RBM20: variants seen among roughly 807,000 people sequenced by gnomAD.
RBM20 encodes RNA-binding protein 20.
A neutral mutation model predicts 110.1 loss-of-function variants in RBM20; 51 were observed. The observed-to-expected ratio is 0.46, with a 90% CI of 0.37 to 0.59. RBM20 has a LOEUF of 0.59. Ranked by LOEUF, RBM20 falls within the 20% of genes least tolerant of loss-of-function variation. RBM20 has a pLI of 0.00. For missense variants in RBM20, 1,512 were observed against 1,574.9 expected, an observed-to-expected ratio of 0.96 and a Z score of 0.68; for synonymous variants, 589 against 618.2, an observed-to-expected ratio of 0.95 and a Z score of 0.70.
intron 1 of RBM20, among the ~76,000 whole-genome samples, chr10:110,776,264 G>A (rs541000465): frequency 1.1e-3 from 160 of 152,274 alleles, no homozygotes; most frequent in African/African-American, 3.7e-3. Context: ...ACCTACCACC[G>A]CCTCTCTAGT....
rs1845123309 is a variant in RBM20, at chr10:110,835,983, T to TCTGCTTCTGCTG, written c.*8_*19dup. On this transcript the variant is annotated 3_prime_UTR_variant, in exon 14 of 14. Transcript: ENST00000369519. ...TTCGAAAGGAAAAAGCTCTGATGCT[T>TCTGCTTCTGCTG]CTGCTTCTGCTGCTACTGCTGCTGC... 9.7e-7 allele frequency: 1 copy of TCTGCTTCTGCTG among 1,031,312 alleles called. No individual in the cohort carries two copies. The highest frequency in any genetic ancestry group is 1.5e-6 in the Non-Finnish European group (1 of 687,832). The allele number at this position is 1,031,312 out of a possible 1,614,324, so 63.9% of individuals were successfully genotyped here.
intron 11 of RBM20, 31 bp downstream of exon 11, chr10:110,821,966 C>G: frequency 6.5e-7 from 1 of 1,546,182 alleles, no homozygotes; most frequent in Non-Finnish European, 8.8e-7. Flanking sequence ...CACGGGTGGT[C>G]GGGTTGATTG....
intron 13 of RBM20, among the ~76,000 whole-genome samples, chr10:110,831,678 A>C (rs1046438348): frequency 2.2e-4 from 32 of 143,836 alleles, no homozygotes; most frequent in African/African-American, 5.8e-4. Context: ...AAAAAAAAAA[A>C]AAAAAAAAAA....
intron 1 of RBM20, among the ~76,000 whole-genome samples, chr10:110,738,054 G>A (rs1843689923): frequency 6.6e-6 from 1 of 152,168 alleles, no homozygotes; most frequent in Non-Finnish European, 1.5e-5. Flanking sequence ...GAATAGTAAG[G>A]AGCAGAAGCA....
At chr10:110,820,660 A>G (rs1427378237) in intron 10 of RBM20, among the ~76,000 whole-genome samples, 1 of 152,252 alleles carries the variant, frequency 6.6e-6, no homozygotes, top group Non-Finnish European at 1.5e-5. Context: ...TGGAGCTGCC[A>G]CAACAAAAAG....
chr10:110,810,984 A>G (rs541031236), intron 8 of RBM20, among the ~76,000 whole-genome samples: 1 of 152,350 alleles, frequency 6.6e-6, no homozygotes, highest in East Asian at 1.9e-4. Context: ...GAAACATTGA[A>G]TATATTCAGT....
intron 5 of RBM20, among the ~76,000 whole-genome samples, chr10:110,788,098 A>T (rs1181485349): frequency 6.6e-6 from 1 of 152,024 alleles, no homozygotes; most frequent in Non-Finnish European, 1.5e-5. Context: ...ATTTGAACCT[A>T]GGCAGCCTAG....
Position 110,758,552 on chromosome 10 carries a change from G to A in RBM20, c.192-22249G>A, listed in dbSNP as rs372078638. Among the ~76,000 whole-genome samples, 57 of 152,250 alleles carry A rather than the reference G, an allele frequency of 3.7e-4. 1 individual carries two copies. Among genetic ancestry groups the A allele is most frequent in the African/African-American group, 1.3e-3 (54 of 41,548 alleles). ...TCACTCTCTGTGAGGTGGCCTCTTT[G>A]AGAAGATGACAGTAGCACTGGGACG... On this transcript the variant is annotated intron_variant, in intron 1 of 13. Coordinates refer to ENST00000369519, the MANE Select transcript of RBM20 (RefSeq NM_001134363.3).
At chr10:110,664,652 C>A (rs190206558) in intron 1 of RBM20, among the ~76,000 whole-genome samples, 1 of 152,004 alleles carries the variant, frequency 6.6e-6, no homozygotes, top group Non-Finnish European at 1.5e-5. Context: ...GAGATTGAGG[C>A]ATGAGAATCG....
rs376348619 is a variant in RBM20 at position 110,764,273 on chromosome 10, G to A, written c.192-16528G>A. 3.4e-3 allele frequency among the ~76,000 whole-genome samples: 522 copies of A among 151,608 alleles called. 5 individuals are homozygous for A. The highest frequency in any genetic ancestry group is 0.012 in the African/African-American group (496 of 41,286). On this transcript the variant is annotated intron_variant, in intron 1 of 13. Transcript: ENST00000369519. ...AAAACCCAGAGTAAAAAGCAAGCAA[G>A]CAAACAAACAAACAAACAGACCACC...
chr10:110,787,372 C>T (rs1844431556), intron 5 of RBM20, among the ~76,000 whole-genome samples: 2 of 152,178 alleles, frequency 1.3e-5, no homozygotes, highest in African/African-American at 2.4e-5. Flanking sequence ...ATTTGGGAAC[C>T]GTCAAGTACA....
At chr10:110,687,370 G>T (rs1357577653) in intron 1 of RBM20, among the ~76,000 whole-genome samples, 1 of 152,194 alleles carries the variant, frequency 6.6e-6, no homozygotes, top group Non-Finnish European at 1.5e-5. Flanking sequence ...GATTAAGTTG[G>T]ATGATGTGAC....
At chr10:110,763,114 C>G (rs1448892141) in intron 1 of RBM20, among the ~76,000 whole-genome samples, 1 of 152,190 alleles carries the variant, frequency 6.6e-6, no homozygotes, top group East Asian at 1.9e-4. Flanking sequence ...CCTTTGGGCT[C>G]TCCTGGGAGG....
At chr10:110,654,105 A>G (rs1330783408) in intron 1 of RBM20, among the ~76,000 whole-genome samples, 1 of 152,214 alleles carries the variant, frequency 6.6e-6, no homozygotes, top group Admixed American at 6.5e-5. Flanking sequence ...AGTTGTCTGC[A>G]GAGGTGCTAC....
At chr10:110,706,086 A>T (rs1022715384) in intron 1 of RBM20, among the ~76,000 whole-genome samples, 1 of 152,078 alleles carries the variant, frequency 6.6e-6, no homozygotes, top group African/African-American at 2.4e-5. Flanking sequence ...ATCTCAAAAA[A>T]AAAAAGAAAA....
At chr10:110,685,802 T>A (rs547697997) in intron 1 of RBM20, among the ~76,000 whole-genome samples, 2 of 152,180 alleles carry the variant, frequency 1.3e-5, no homozygotes, top group African/African-American at 4.8e-5. Flanking sequence ...GGCAAGACTT[T>A]TTTTTTCGGT....
chr10:110,784,796 T>C lies in RBM20; in HGVS notation c.1434T>C (p.Tyr478=). 6.5e-7 allele frequency: 1 copy of C among 1,542,090 alleles called. No homozygotes were observed. The highest frequency in any genetic ancestry group is 1.2e-5 in the South Asian group (1 of 83,884). ...AVYNPAGNED[Y]ASNLGTSYVP... is the part of the protein sequence containing the mutation. ...TTTGTGTAATTCATCATTTAGATTA[T>C]GCCTCAAATCTTGGAACATCATACG... Residue 478 remains tyrosine (Y), a synonymous_variant, in exon 5 of 14, where the codon TAT becomes TAC. Transcript: ENST00000369519.
chr10:110,665,862 G>A (rs944721246), intron 1 of RBM20, among the ~76,000 whole-genome samples: 12 of 151,930 alleles, frequency 7.9e-5, no homozygotes, highest in African/African-American at 2.7e-4. Context: ...GCTCATGGTC[G>A]TCCAGCACTT....
chr10:110,644,506 C>G lies in RBM20; in HGVS notation c.52C>G (p.Gln18Glu). ...GGACGCGGACCCCAGCGGTCCGGAG[C>G]AGCCGGACAGAGTTGCCTGCAGTGT... The part of the protein sequence containing the change: ...SQDADPSGPE[Q>E]PDRVACSVPG... The change falls in exon 1 of 14, where the codon CAG becomes GAG. Residue 18 changes from glutamine to glutamate, a missense_variant. Physicochemically the swap from Gln to Glu is conservative, Grantham distance 29. Coordinates refer to ENST00000369519, the MANE Select transcript of RBM20 (RefSeq NM_001134363.3). This position sits in a 1 kb window ranked among gnomAD's most constrained non-coding sequence, Gnocchi z 4.3. The G allele has an allele frequency of 1.3e-6, 2 of 1,526,430 alleles. No individual in the cohort carries two copies. The highest frequency in any genetic ancestry group is 1.8e-6 in the Non-Finnish European group (2 of 1,140,548). 94.6% of individuals were successfully genotyped at this position (1,526,430 alleles called of 1,614,324 possible).
Sources: gnomAD v4.1 joint callset for allele counts (sites outside exome capture counted in the v4.1 genomes callset) on GRCh38, gnomAD v4.1.1 for gene constraint, Gnocchi (gnomAD v3.1) non-coding constraint, MANE v1.5 for transcripts, NCBI Gene and HGNC (gene_info 2026-07-23, HGNC 2026-07-21) for gene names.